Variants in MAP3K13 observed in about 807,000 individuals in gnomAD.
MAP3K13 encodes mitogen-activated protein kinase kinase kinase 13.
MAP3K13 carries 52 observed loss-of-function variants against 104.0 expected under a neutral mutation model. The ratio of observed to expected loss-of-function variants is 0.50; its 90% confidence interval spans 0.40 to 0.63. The LOEUF is 0.63. Ranked by LOEUF, MAP3K13 falls within the 20% of genes least tolerant of loss-of-function variation. The pLI, the probability that MAP3K13 is intolerant of heterozygous loss-of-function variation, is 0.00. For synonymous variants in MAP3K13, 394 were observed against 442.2 expected, an observed-to-expected ratio of 0.89 and a Z score of 1.37; for missense variants, 914 against 1,218.5, an observed-to-expected ratio of 0.75 and a Z score of 3.72.
At chr3:185,286,425 T>C (rs1268504033) in intron 2 of MAP3K13, among the ~76,000 whole-genome samples, 3 of 152,092 alleles carry the variant, frequency 2.0e-5, no homozygotes, top group Admixed American at 2.0e-4. Flanking sequence ...GGAATTCATC[T>C]TTCAGATCTA....
intron 4 of MAP3K13, 97 bp from the exon 5 acceptor site, chr3:185,447,692 G>C: frequency 1.1e-6 from 1 of 887,120 alleles, no homozygotes; most frequent in Non-Finnish European, 1.7e-6. Flanking sequence ...CTACAAGATA[G>C]GAAGTAGCAG....
intron 2 of MAP3K13, among the ~76,000 whole-genome samples, chr3:185,431,754 T>G (rs1042063732): frequency 6.6e-6 from 1 of 152,242 alleles, no homozygotes; most frequent in African/African-American, 2.4e-5. Flanking sequence ...ACTTTTTTCA[T>G]GCATTTTATT....
intron 1 of MAP3K13, among the ~76,000 whole-genome samples, chr3:185,378,553 C>T (rs981586492): frequency 4.6e-5 from 7 of 151,612 alleles, no homozygotes; most frequent in Admixed American, 4.6e-4. Context: ...ATTATAGGGT[C>T]GGGGAGCAGA....
rs1711947053 is a variant in MAP3K13 at position 185,390,005 on chromosome 3, A to G, written c.-86+26637A>G. The stretch of plus-strand genomic sequence containing the variant: ...GATTCTCATATCTGCTTCTGCTTTC[A>G]ATCTGTTGTGATATCAAATGGTATA... On this transcript the variant is annotated intron_variant, in intron 1 of 13. Transcript: ENST00000265026. Among the ~76,000 whole-genome samples the G allele has an allele frequency of 2.0e-5, 3 of 152,146 alleles. No homozygotes were observed. In the South Asian group the frequency reaches 6.2e-4, roughly 32 times the overall value.
At chr3:185,403,144 T>C (rs1442206087) in intron 1 of MAP3K13, among the ~76,000 whole-genome samples, 1 of 152,250 alleles carries the variant, frequency 6.6e-6, no homozygotes, top group Non-Finnish European at 1.5e-5. Context: ...ATAATTTCTA[T>C]CTAGCTAAAG....
chr3:185,379,519 G>T (rs1724602307), intron 1 of MAP3K13, among the ~76,000 whole-genome samples: 1 of 152,150 alleles, frequency 6.6e-6, no homozygotes, highest in African/African-American at 2.4e-5. Flanking sequence ...GAGGTTGTAG[G>T]TGGATCTCTT....
chr3:185,405,414 C>G lies in MAP3K13; in HGVS notation c.-85-23083C>G, dbSNP rs560038081. ...GACTCGTTAGCCCAGCATTCAAAAC[C>G]TTTTATGATGTGGCACCACCCTATA... On this transcript the variant is annotated intron_variant, in intron 1 of 13. Transcript: ENST00000265026. Among the ~76,000 whole-genome samples, 124 of 152,308 alleles carry G rather than the reference C, an allele frequency of 8.1e-4. 1 individual carries two copies. Among genetic ancestry groups the G allele is most frequent in the African/African-American group, 2.9e-3 (121 of 41,568 alleles).
At chr3:185,313,827 AC>A (rs2108688381) in intron 2 of MAP3K13, among the ~76,000 whole-genome samples, 1 of 152,194 alleles carries the variant, frequency 6.6e-6, no homozygotes, top group South Asian at 2.1e-4. Context: ...GAAACTGGCT[AC>A]CTTCTCTACT....
intron 1 of MAP3K13, among the ~76,000 whole-genome samples, chr3:185,367,362 A>G (rs781661668): frequency 2.6e-5 from 4 of 152,168 alleles, no homozygotes; most frequent in Non-Finnish European, 5.9e-5. Flanking sequence ...AAAACTATTG[A>G]CATGCAGGGT....
Position 185,473,816 on chromosome 3 carries a change from C to G in MAP3K13, c.2430+55C>G. The G allele has an allele frequency of 6.6e-7, 1 of 1,525,678 alleles. No homozygotes were observed. The highest frequency in any genetic ancestry group is 2.3e-5 in the East Asian group (1 of 44,366). 94.5% of individuals were successfully genotyped at this position (1,525,678 alleles called of 1,614,324 possible). On this transcript the variant is annotated intron_variant, in intron 11 of 13. Coordinates refer to ENST00000265026, the MANE Select transcript of MAP3K13 (RefSeq NM_004721.5). The surrounding 1 kb of genome is among the most constrained non-coding windows in gnomAD (Gnocchi z 4.9). ...TCACTGCCTTCAAAGAATGCCAGAG[C>G]CTGTCATGTTATACACATTAGAGAG... is the stretch of plus-strand genomic sequence containing the variant.
intron 1 of MAP3K13, among the ~76,000 whole-genome samples, chr3:185,407,869 A>ATTTTTTTTTTTTTTTTTTTTTTTT (rs35693572): frequency 2.9e-5 from 2 of 69,096 alleles, no homozygotes; most frequent in Non-Finnish European, 5.4e-5. Context: ...AATTTTGAGA[A>ATTTTTTTTTTTTTTTTTTTTTTTT]TTTTTTTTTT....
chr3:185,381,580 C>T (rs1444272028), intron 1 of MAP3K13, among the ~76,000 whole-genome samples: 3 of 152,148 alleles, frequency 2.0e-5, no homozygotes, highest in Non-Finnish European at 4.4e-5. Flanking sequence ...AACAACTGTC[C>T]TTCTTGAGGT....
At chr3:185,399,424 G>C (rs1712625347) in intron 1 of MAP3K13, among the ~76,000 whole-genome samples, 1 of 151,606 alleles carries the variant, frequency 6.6e-6, no homozygotes, top group South Asian at 2.1e-4. Flanking sequence ...CCAACATGGT[G>C]AAACTCCGTC....
intron 1 of MAP3K13, among the ~76,000 whole-genome samples, chr3:185,376,397 C>T (rs767304376): frequency 4.9e-4 from 74 of 152,144 alleles, no homozygotes; most frequent in Non-Finnish European, 8.5e-4. Context: ...ATTAAGGCAG[C>T]GGCAGCCACT....
Position 185,384,280 on chromosome 3 carries a change from C to CT in MAP3K13, c.-86+20918dup, listed in dbSNP as rs1346141733. Among the ~76,000 whole-genome samples, 4 of 149,376 alleles carry CT rather than the reference C, an allele frequency of 2.7e-5. No homozygotes were observed. In the East Asian group the frequency reaches 8.0e-4, roughly 30 times the overall value. On this transcript the variant is annotated intron_variant, in intron 1 of 13. Coordinates refer to ENST00000265026, the MANE Select transcript of MAP3K13 (RefSeq NM_004721.5). ...CTGCTGCAAATGACTGCATTCCATT[C>CT]TTTTTTATGACTAAATAGTATTCCA...
intron 4 of MAP3K13, among the ~76,000 whole-genome samples, chr3:185,445,571 G>A (rs1463024101): frequency 6.6e-6 from 1 of 152,124 alleles, no homozygotes; most frequent in Non-Finnish European, 1.5e-5. Flanking sequence ...ATCTTAGAGG[G>A]AAGGAGTCAG....
At chr3:185,345,321 A>G (rs893879563) in intron 2 of MAP3K13, among the ~76,000 whole-genome samples, 2 of 152,150 alleles carry the variant, frequency 1.3e-5, no homozygotes, top group South Asian at 4.1e-4. Flanking sequence ...TCCTCAATGT[A>G]TATCTCAGCC....
chr3:185,288,404 ATT>A (rs1720608667), intron 2 of MAP3K13, among the ~76,000 whole-genome samples: 1 of 150,894 alleles, frequency 6.6e-6, no homozygotes, highest in African/African-American at 2.4e-5. Flanking sequence ...AAATATATAT[ATT>A]TATATAGAGA....
At position 185,463,570 on chromosome 3, in the gene MAP3K13, G is replaced by GA. The variant is rs1560126178; in HGVS notation, c.1305dup (p.His436ThrfsTer3). On this transcript the variant is annotated frameshift_variant, in exon 8 of 14. Transcript: ENST00000265026. LOFTEE classifies it high-confidence loss of function. ...CCCAGGCTGAATGGAGAGAAGAAGT[G>GA]AAAAAACATTTTGAGAAGATCAAAA... The GA allele has an allele frequency of 6.2e-7, 1 of 1,608,954 alleles. No homozygotes were observed. Among genetic ancestry groups the GA allele is most frequent in the Non-Finnish European group, 8.5e-7 (1 of 1,175,832 alleles).
Sources: allele counts gnomAD v4.1 joint callset (sites outside exome capture counted in the v4.1 genomes callset), GRCh38; gene constraint gnomAD v4.1.1; non-coding constraint Gnocchi (gnomAD v3.1); transcripts MANE v1.5; gene names NCBI Gene and HGNC (gene_info 2026-07-23, HGNC 2026-07-21).